Variants in DBF4 observed in about 807,000 individuals in gnomAD.
DBF4 encodes the protein DBF4-CDC7 kinase regulatory subunit.
DBF4 carries 25 observed loss-of-function variants against 76.6 expected under a neutral mutation model. The ratio of observed to expected loss-of-function variants is 0.33; its 90% confidence interval spans 0.24 to 0.46. The LOEUF (loss-of-function observed/expected upper bound fraction) is 0.46. Ranked by LOEUF, DBF4 falls within the 20% of genes least tolerant of loss-of-function variation. The probability of loss-of-function intolerance (pLI) is 1.00; values close to 1 mark genes in which losing one functional copy is unlikely to be tolerated. For synonymous variants in DBF4, 213 were observed against 258.0 expected, an observed-to-expected ratio of 0.83 and a Z score of 1.67; for missense variants, 638 against 760.8, an observed-to-expected ratio of 0.84 and a Z score of 1.90.
intron 10 of DBF4, 43 bp from the exon 11 acceptor site, chr7:87,904,249 T>G: frequency 6.4e-7 from 1 of 1,559,574 alleles, no homozygotes. Context: ...ATCTCTTGAT[T>G]TTAAATACAA....
chr7:87,891,120 A>G (rs1466242138), intron 6 of DBF4, among the ~76,000 whole-genome samples: 1 of 151,614 alleles, frequency 6.6e-6, no homozygotes, highest in Non-Finnish European at 1.5e-5. Context: ...GTAATTGGAT[A>G]AAGGTATTTT....
At chr7:87,901,121 G>A (rs1455055888) in intron 10 of DBF4, among the ~76,000 whole-genome samples, 1 of 152,114 alleles carries the variant, frequency 6.6e-6, no homozygotes, top group East Asian at 1.9e-4. Context: ...ATTATATTCT[G>A]TAGGGTAGGG....
Position 87,909,538 on chromosome 7 carries a change from A to G in DBF4, c.*1375A>G, listed in dbSNP as rs1839992264. On this transcript the variant is annotated 3_prime_UTR_variant, in exon 12 of 12. Coordinates refer to ENST00000265728, the MANE Select transcript of DBF4 (RefSeq NM_006716.4). The stretch of plus-strand genomic sequence containing the variant: ...GTAGGCTCAATAAAAGAGTCTTTAC[A>G]GTGCATACACGCAAACCCTGTTTCC... The G allele has an allele frequency of 6.6e-6, 1 of 152,230 alleles. No individual in the cohort carries two copies. The highest frequency in any genetic ancestry group is 1.5e-5 in the Non-Finnish European group (1 of 68,036). 9.4% of individuals were successfully genotyped at this position (152,230 alleles called of 1,614,324 possible).
chr7:87,876,756 C>T lies in DBF4; in HGVS notation c.24C>T (p.Ile8=). Reference sequence around the variant, plus strand: ...CCATGAACTCCGGAGCCATGAGGATCCACAGTAAAGGACATTTCCAGGGTA... The same window carrying T: ...CCATGAACTCCGGAGCCATGAGGATTCACAGTAAAGGACATTTCCAGGGTA... MNSGAMR[I]HSKGHFQGGI... is the part of the protein sequence containing the mutation. The change falls in exon 1 of 12, where the codon ATC becomes ATT. Residue 8 remains isoleucine (I), a synonymous_variant. Coordinates refer to ENST00000265728, the MANE Select transcript of DBF4 (RefSeq NM_006716.4). 3 of 1,614,190 alleles carry T rather than the reference C, an allele frequency of 1.9e-6. No individual in the cohort carries two copies. The highest frequency in any genetic ancestry group is 1.7e-6 in the Non-Finnish European group (2 of 1,180,026).
rs539645717 is a variant in DBF4, at chr7:87,887,226, A to G, written c.451-103A>G. On this transcript the variant is annotated intron_variant, in intron 4 of 11. Coordinates refer to ENST00000265728, the MANE Select transcript of DBF4 (RefSeq NM_006716.4). Reference sequence around the variant, plus strand: ...TAACTCTATAGGGTCTGTTACAAATAACTGCCTTAGTGACATTAAACTTCA... The same window carrying G: ...TAACTCTATAGGGTCTGTTACAAATGACTGCCTTAGTGACATTAAACTTCA... 2.1e-4 allele frequency: 199 copies of G among 955,430 alleles called. No individual in the cohort carries two copies. The African/African-American group carries it at 2.9e-3, about 14-fold the overall frequency. 59.2% of individuals were successfully genotyped at this position (955,430 alleles called of 1,614,324 possible).
In DBF4 at chr7:87,893,236, CTTTTTTTTTT is replaced by C. The variant is rs869114624; in HGVS notation, c.598-3227_598-3218del. ...GTTGGATATGTACACATTTAATATT[CTTTTTTTTTT>C]TTTTTTTTTTGAGACGGAGTCTCGC... is the stretch of plus-strand genomic sequence containing the variant. On this transcript the variant is annotated intron_variant, in intron 6 of 11. Transcript: ENST00000265728. Among the ~76,000 whole-genome samples, 14 of 126,746 alleles carry C rather than the reference CTTTTTTTTTT, an allele frequency of 1.1e-4. No individual in the cohort carries two copies. The East Asian group carries it at 2.6e-3, about 24-fold the overall frequency. The allele number at this position is 126,746 out of a possible 152,430, so 83.2% of individuals were successfully genotyped here.
chr7:87,890,672 T>A (rs1839463827), intron 6 of DBF4, among the ~76,000 whole-genome samples: 1 of 152,182 alleles, frequency 6.6e-6, no homozygotes, highest in Non-Finnish European at 1.5e-5. Flanking sequence ...TTGGTTTCAG[T>A]GCCTAGTCAG....
rs1839952804 is a variant in DBF4 at position 87,907,981 on chromosome 7, G to A, written c.1843G>A (p.Val615Ile). The A allele has an allele frequency of 5.6e-6, 9 of 1,613,424 alleles. 1 individual carries two copies. Among genetic ancestry groups the A allele is most frequent in the Non-Finnish European group, 6.8e-6 (8 of 1,179,716 alleles). ...AGAAAACAGAATTTGTAGTTCACCG[G>A]TACAGTCTTTACTAGACTTGTTTCA... ...QEENRICSSP[V>I]QSLLDLFQTS... The change falls in exon 12 of 12, where the codon GTA becomes ATA. Residue 615 changes from valine (V) to isoleucine (I), a missense_variant. Coordinates refer to ENST00000265728, the MANE Select transcript of DBF4 (RefSeq NM_006716.4).
At chr7:87,884,596 A>G (rs1455453597) in intron 2 of DBF4, among the ~76,000 whole-genome samples, 1 of 152,246 alleles carries the variant, frequency 6.6e-6, no homozygotes, top group South Asian at 2.1e-4. Flanking sequence ...TAATTAACAT[A>G]TATAAAGTAT....
Position 87,904,362 on chromosome 7 carries a change from C to CT in DBF4, c.996dup (p.Lys333Ter). 6.2e-7 allele frequency: 1 copy of CT among 1,613,742 alleles called. No individual in the cohort carries two copies. Among genetic ancestry groups the CT allele is most frequent in the South Asian group, 1.1e-5 (1 of 91,014 alleles). ...TATCAAGTTGTTGATGATATTGTAT[C>CT]TAAGTTAGTTTTTGACTTTGTGGAA... On this transcript the variant is annotated frameshift_variant, in exon 11 of 12. Coordinates refer to ENST00000265728, the MANE Select transcript of DBF4 (RefSeq NM_006716.4). LOFTEE classifies it high-confidence loss of function.
intron 6 of DBF4, among the ~76,000 whole-genome samples, chr7:87,889,502 ACTC>A (rs1285890008): frequency 6.6e-6 from 1 of 151,438 alleles, no homozygotes; most frequent in Admixed American, 6.6e-5. Flanking sequence ...CTGGTCTCGA[ACTC>A]CTGAGCTCAA....
At chr7:87,896,700 C>A (rs1047521963) in intron 7 of DBF4, among the ~76,000 whole-genome samples, 190 bp downstream of exon 7, 1 of 152,002 alleles carries the variant, frequency 6.6e-6, no homozygotes, top group African/African-American at 2.4e-5. Flanking sequence ...TTTTTTAAAA[C>A]GTTTCCTTTA....
intron 3 of DBF4, among the ~76,000 whole-genome samples, chr7:87,886,085 C>T (rs1839342059): frequency 6.6e-6 from 1 of 152,010 alleles, no homozygotes; most frequent in South Asian, 2.1e-4. Flanking sequence ...AAAAGAGATA[C>T]AATACATAGA....
intron 2 of DBF4, among the ~76,000 whole-genome samples, chr7:87,883,518 G>T (rs1839268825): frequency 6.6e-6 from 1 of 152,148 alleles, no homozygotes; most frequent in African/African-American, 2.4e-5. Context: ...TTATGAAAAT[G>T]AAGGCAGTAT....
intron 7 of DBF4, 56 bp from the exon 8 acceptor site, chr7:87,897,235 TAAA>T: frequency 2.3e-6 from 3 of 1,315,544 alleles, no homozygotes; most frequent in African/African-American, 3.1e-5. Context: ...GTAGTTTTAT[TAAA>T]AAAAAAAAAG....
At chr7:87,892,915 T>A (rs2131059091) in intron 6 of DBF4, among the ~76,000 whole-genome samples, 1 of 152,342 alleles carries the variant, frequency 6.6e-6, no homozygotes, top group Admixed American at 6.5e-5. Flanking sequence ...TATTTTAGTT[T>A]TAAAAAATTT....
chr7:87,908,113 T>G lies in DBF4; in HGVS notation c.1975T>G (p.Leu659Val), dbSNP rs748107736. Residue 659 changes from leucine (L) to valine (V), a missense_variant, in exon 12 of 12, where the codon TTA (leucine) becomes GTA (valine). Leu to Val is a conservative substitution (Grantham distance 32). Transcript: ENST00000265728. ...IWEEENSDNL[L>V]TAFFSSPSTS... ...GGAAGAGGAAAATTCAGATAATCTG[T>G]TAACAGCGTTTTTCTCGTCCCCTTC... The G allele has an allele frequency of 6.2e-7, 1 of 1,606,900 alleles. No individual in the cohort carries two copies. Among genetic ancestry groups the G allele is most frequent in the Non-Finnish European group, 8.5e-7 (1 of 1,177,350 alleles).
In DBF4 at chr7:87,900,779, C is replaced by G. The variant is rs766241590; in HGVS notation, c.825C>G (p.Gly275=). 6.2e-7 allele frequency: 1 copy of G among 1,611,926 alleles called. No homozygotes were observed. Residue 275 remains glycine, a synonymous_variant, in exon 10 of 12, where the codon GGC becomes GGG. Transcript: ENST00000265728. ...CTGTCATCAGAATCCAAACAGATGG[C>G]GATAAGTATGGTGGAACCTCAATTC... The part of the protein sequence containing the change: ...TQVKLRIQTD[G]DKYGGTSIQL...
chr7:87,899,521 A>G (rs1261921994), intron 8 of DBF4, among the ~76,000 whole-genome samples: 1 of 152,220 alleles, frequency 6.6e-6, no homozygotes, highest in African/African-American at 2.4e-5. Flanking sequence ...CAACATTACT[A>G]ATCATGAGGG....
Sources: allele counts gnomAD v4.1 joint callset (sites outside exome capture counted in the v4.1 genomes callset), GRCh38; gene constraint gnomAD v4.1.1; transcripts MANE v1.5; gene names NCBI Gene and HGNC (gene_info 2026-07-23, HGNC 2026-07-21).